Variants in NKAIN2 observed in about 807,000 individuals in gnomAD.
NKAIN2 encodes the protein sodium/potassium-transporting ATPase subunit beta-1-interacting protein 2.
In NKAIN2, 14 loss-of-function variants were observed where a neutral mutation model predicts 32.6. The observed-to-expected ratio is 0.43, with a 90% CI of 0.28 to 0.67. The LOEUF is 0.67. NKAIN2 is among the 30% of genes least tolerant of loss of function. NKAIN2 has a pLI of 0.17. For missense variants in NKAIN2, 198 were observed against 258.3 expected (o/e 0.77, Z 1.60); for synonymous variants, 80 against 87.2 (o/e 0.92, Z 0.46).
intron 3 of NKAIN2, among the ~76,000 whole-genome samples, chr6:124,519,901 T>C (rs1017985986): frequency 2.6e-5 from 4 of 152,228 alleles, no homozygotes; most frequent in African/African-American, 9.6e-5. Flanking sequence ...GCTTTTATTA[T>C]GTGCCCAGTA....
chr6:124,737,407 G>T (rs1027498567), intron 4 of NKAIN2, among the ~76,000 whole-genome samples: 1 of 151,822 alleles, frequency 6.6e-6, no homozygotes, highest in African/African-American at 2.4e-5. Context: ...TGCCATGATT[G>T]TAAGTTTCCT....
intron 1 of NKAIN2, among the ~76,000 whole-genome samples, chr6:123,910,511 T>TTG (rs1554222104): frequency 7.0e-6 from 1 of 143,858 alleles, no homozygotes; most frequent in African/African-American, 2.6e-5. Flanking sequence ...TTTTTTTTTT[T>TTG]TTTTTTTTTT....
At chr6:123,973,449 A>T (rs963416208) in intron 1 of NKAIN2, among the ~76,000 whole-genome samples, 1 of 152,096 alleles carries the variant, frequency 6.6e-6, no homozygotes, top group Non-Finnish European at 1.5e-5. Context: ...TATAGCTTAC[A>T]TCTTACTTGT....
chr6:124,418,148 C>G (rs1774577881), intron 3 of NKAIN2, among the ~76,000 whole-genome samples: 1 of 151,012 alleles, frequency 6.6e-6, no homozygotes, highest in Admixed American at 6.6e-5. Flanking sequence ...GAACAATGTC[C>G]CTGTGTGGAC....
chr6:124,366,327 A>G (rs9401741), intron 3 of NKAIN2, among the ~76,000 whole-genome samples: 48,763 of 151,994 alleles, frequency 0.32, 8,696 homozygotes, highest in South Asian at 0.46. Context: ...GTTTAAGCCA[A>G]TATATTTGCA....
chr6:124,268,139 C>A (rs1245369442), intron 1 of NKAIN2, among the ~76,000 whole-genome samples: 1 of 152,088 alleles, frequency 6.6e-6, no homozygotes, highest in Non-Finnish European at 1.5e-5. Context: ...CAACAAGCAT[C>A]GTGTAAACAT....
chr6:124,818,081 G>T (rs1292218609), intron 5 of NKAIN2, among the ~76,000 whole-genome samples: 1 of 152,038 alleles, frequency 6.6e-6, no homozygotes, highest in East Asian at 1.9e-4. Context: ...CTATTGTGTA[G>T]ATGAATTCTA....
At position 124,647,540 on chromosome 6, in the gene NKAIN2, C is replaced by G. The variant is rs541409850; in HGVS notation, c.274-10646C>G. On this transcript the variant is annotated intron_variant, in intron 3 of 6. Transcript: ENST00000368417. ...AAAAAAGACTTCAAGCAAATATAGC[C>G]TAAGGATTAATGAAACTGGGTGGTG... 2.1e-5 allele frequency among the ~76,000 whole-genome samples: 3 copies of G among 139,960 alleles called. No individual in the cohort carries two copies. The East Asian group carries it at 6.3e-4, about 29-fold the overall frequency. 91.8% of individuals were successfully genotyped at this position (139,960 alleles called of 152,430 possible).
intron 4 of NKAIN2, among the ~76,000 whole-genome samples, chr6:124,734,824 C>T (rs1193274119): frequency 1.3e-5 from 2 of 151,840 alleles, no homozygotes; most frequent in Non-Finnish European, 2.9e-5. Flanking sequence ...AGCTTATGAT[C>T]CTGTTCCTGG....
At chr6:124,750,649 G>A (rs761594998) in intron 4 of NKAIN2, among the ~76,000 whole-genome samples, 18 of 151,894 alleles carry the variant, frequency 1.2e-4, no homozygotes, top group Non-Finnish European at 2.4e-4. Context: ...TGGCTGTGTT[G>A]TTTTGTCTTT....
At chr6:124,331,377 A>AAAC in intron 2 of NKAIN2, among the ~76,000 whole-genome samples, 1 of 146,552 alleles carries the variant, frequency 6.8e-6, no homozygotes, top group Admixed American at 6.8e-5. Context: ...AAAAAAAAAA[A>AAAC]AACTAGCTGG....
intron 1 of NKAIN2, among the ~76,000 whole-genome samples, chr6:123,831,649 G>GTTTTTTTTTTTTTTTTTTTTTTT (rs200958969): frequency 1.4e-5 from 2 of 140,266 alleles, no homozygotes; most frequent in African/African-American, 2.6e-5. Context: ...CTTTGTTACA[G>GTTTTTTTTTTTTTTTTTTTTTTT]TTTTTTTTTT....
At chr6:123,967,304 A>G (rs1778128111) in intron 1 of NKAIN2, among the ~76,000 whole-genome samples, 1 of 152,186 alleles carries the variant, frequency 6.6e-6, no homozygotes. Flanking sequence ...AATACTCTTC[A>G]GGGGATAAAA....
intron 1 of NKAIN2, among the ~76,000 whole-genome samples, chr6:123,809,833 G>A (rs934375834): frequency 9.9e-5 from 15 of 152,166 alleles, no homozygotes; most frequent in African/African-American, 3.6e-4. Context: ...ATAAGAATAA[G>A]GTGACTTCAA....
chr6:124,060,151 G>A lies in NKAIN2; in HGVS notation c.55-222854G>A, dbSNP rs139960637. Among the ~76,000 whole-genome samples, 82 of 152,284 alleles carry A rather than the reference G, an allele frequency of 5.4e-4. No homozygotes were observed. The East Asian group carries it at 0.015, about 28-fold the overall frequency. On this transcript the variant is annotated intron_variant, in intron 1 of 6. Coordinates refer to ENST00000368417, the MANE Select transcript of NKAIN2 (RefSeq NM_001040214.3). Reference sequence around the variant, plus strand: ...GAGGAGTATGGTTAACTCCACTGCTGTGTGGGCTAATGGACCAAGCATCAG... The same window carrying A: ...GAGGAGTATGGTTAACTCCACTGCTATGTGGGCTAATGGACCAAGCATCAG...
chr6:124,142,078 C>T (rs1031422726), intron 1 of NKAIN2, among the ~76,000 whole-genome samples: 5 of 152,130 alleles, frequency 3.3e-5, no homozygotes, highest in African/African-American at 4.8e-5. Flanking sequence ...AACTTTTCTC[C>T]TCTGACATTA....
intron 3 of NKAIN2, among the ~76,000 whole-genome samples, chr6:124,577,249 T>C (rs1043712423): frequency 3.3e-5 from 5 of 151,798 alleles, no homozygotes; most frequent in African/African-American, 1.2e-4. Context: ...CAAAATCAGG[T>C]GAGTGATCAC....
At chr6:124,172,947 A>C (rs1202293462) in intron 1 of NKAIN2, among the ~76,000 whole-genome samples, 2 of 152,150 alleles carry the variant, frequency 1.3e-5, no homozygotes, top group East Asian at 1.9e-4. Flanking sequence ...CTTCTTCTAC[A>C]CATGCCTTTG....
intron 2 of NKAIN2, among the ~76,000 whole-genome samples, chr6:124,307,192 A>T (rs1014061287): frequency 1.1e-4 from 17 of 152,318 alleles, no homozygotes; most frequent in African/African-American, 4.1e-4. Flanking sequence ...TATATGGGAT[A>T]GGCTAAAGGG....
Sources: gnomAD v4.1 joint callset for allele counts (sites outside exome capture counted in the v4.1 genomes callset) on GRCh38, gnomAD v4.1.1 for gene constraint, MANE v1.5 for transcripts, NCBI Gene and HGNC (gene_info 2026-07-23, HGNC 2026-07-21) for gene names.